Variants in PLEKHA7 observed in about 807,000 individuals in gnomAD.
PLEKHA7 encodes pleckstrin homology domain-containing family A member 7.
Under a neutral mutation model 170.0 loss-of-function variants are expected in PLEKHA7, and 104 were observed. The ratio of observed to expected loss-of-function variants is 0.61; its 90% CI spans 0.52 to 0.72. The LOEUF (loss-of-function observed/expected upper bound fraction) is 0.72. PLEKHA7 is among the 30% of genes least tolerant of loss of function. The pLI is 0.00. For synonymous variants in PLEKHA7, 648 were observed against 660.8 expected (o/e 0.98, Z 0.30); for missense variants, 1,615 against 1,671.7 (o/e 0.97, Z 0.59).
chr11:16,953,611 C>T (rs1214720415), intron 3 of PLEKHA7, among the ~76,000 whole-genome samples: 1 of 152,064 alleles, frequency 6.6e-6, no homozygotes, highest in Non-Finnish European at 1.5e-5. Flanking sequence ...CACTGAAATA[C>T]ACAGAAAAAC....
rs573177826 is a variant in PLEKHA7, at chr11:16,829,791, T to C, written c.873-3201A>G. On this transcript the variant is annotated intron_variant, in intron 9 of 26. Transcript: ENST00000531066. ...CTCCGCCTCAAAAAAGAAAAAGTAA[T>C]TCTTACCGTAAGTTTATAAAGGGAC... Among the ~76,000 whole-genome samples the C allele has an allele frequency of 2.0e-5, 3 of 152,230 alleles. No individual in the cohort carries two copies. In the South Asian group the frequency reaches 6.2e-4, roughly 32 times the overall value.
At chr11:16,854,161 G>C (rs732730) in intron 6 of PLEKHA7, among the ~76,000 whole-genome samples, 4,718 of 152,298 alleles carry the variant, frequency 0.031, 176 homozygotes, top group South Asian at 0.091. Context: ...GGCAAGGAGA[G>C]AAGGAGAGCA....
intron 3 of PLEKHA7, among the ~76,000 whole-genome samples, chr11:16,961,647 C>T (rs1449965382): frequency 6.6e-6 from 1 of 152,218 alleles, no homozygotes; most frequent in East Asian, 1.9e-4. Flanking sequence ...CTCAGACACA[C>T]CCTGGCATCA....
chr11:16,838,872 G>C (rs1018912021), intron 9 of PLEKHA7, among the ~76,000 whole-genome samples: 1 of 151,974 alleles, frequency 6.6e-6, no homozygotes, highest in Non-Finnish European at 1.5e-5. Flanking sequence ...ATTTTTAGTA[G>C]AGATGGGGTT....
rs189536502 is a variant in PLEKHA7 at position 16,877,876 on chromosome 11, T to A, written c.222-6694A>T. ...ATGTCCCTCCAAAAGGTTGTTGTGA[T>A]GATAAAATGAAGGAACATACATGAA... On this transcript the variant is annotated intron_variant, in intron 3 of 26. Transcript: ENST00000531066. Among the ~76,000 whole-genome samples, 10 of 152,346 alleles carry A rather than the reference T, an allele frequency of 6.6e-5. No individual in the cohort carries two copies. The East Asian group carries it at 1.9e-3, about 29-fold the overall frequency.
chr11:16,974,251 A>G (rs1862910464), intron 3 of PLEKHA7, among the ~76,000 whole-genome samples: 1 of 149,028 alleles, frequency 6.7e-6, no homozygotes, highest in African/African-American at 2.5e-5. Flanking sequence ...TGGGTGACAA[A>G]GGGAGACCCT....
intron 16 of PLEKHA7, 29 bp from the exon 17 acceptor site, chr11:16,801,104 T>C (rs1341364876): frequency 6.3e-7 from 1 of 1,593,856 alleles, no homozygotes; most frequent in Non-Finnish European, 8.6e-7. Flanking sequence ...CTTCCGGTTC[T>C]TAGTTATCCC....
intron 3 of PLEKHA7, among the ~76,000 whole-genome samples, chr11:17,006,779 G>T (rs1471113050): frequency 6.6e-6 from 1 of 152,174 alleles, no homozygotes; most frequent in Admixed American, 6.5e-5. Flanking sequence ...CCAGAAGACT[G>T]TCGGTTGGGT....
intron 3 of PLEKHA7, among the ~76,000 whole-genome samples, chr11:16,940,077 C>T (rs1860576506): frequency 6.6e-6 from 1 of 151,846 alleles, no homozygotes; most frequent in Non-Finnish European, 1.5e-5. Context: ...GATCTGTCTC[C>T]CTCTTCATAA....
At position 16,928,443 on chromosome 11, in the gene PLEKHA7, ATT is replaced by A. The variant is rs764854359; in HGVS notation, c.222-57263_222-57262del. ...AAAGGTAGATTGGTTTTGCCCCCAGATTTTTTTTTTTTTTTTGTATTTTTATT... is the reference window on the plus strand; with the variant it reads ...AAAGGTAGATTGGTTTTGCCCCCAGATTTTTTTTTTTTTTGTATTTTTATT... On this transcript the variant is annotated intron_variant, in intron 3 of 26. Coordinates refer to ENST00000531066, the MANE Select transcript of PLEKHA7 (RefSeq NM_001329630.2). 1.5e-3 allele frequency among the ~76,000 whole-genome samples: 207 copies of A among 138,776 alleles called. 1 individual carries two copies. Among genetic ancestry groups the A allele is most frequent in the South Asian group, 6.2e-3 (27 of 4,352 alleles). 91.0% of individuals were successfully genotyped at this position (138,776 alleles called of 152,430 possible).
intron 4 of PLEKHA7, among the ~76,000 whole-genome samples, chr11:16,864,153 C>A (rs1039253316): frequency 1.3e-5 from 2 of 152,096 alleles, no homozygotes; most frequent in African/African-American, 2.4e-5. Flanking sequence ...GCATCTAGGA[C>A]CAGACTATCT....
In PLEKHA7 at chr11:16,790,804, C is replaced by T; in HGVS notation, c.3046G>A (p.Gly1016Ser). Residue 1016 changes from glycine (G) to serine (S), a missense_variant, in exon 21 of 27, where the codon GGC (glycine) becomes AGC (serine). Gly to Ser is a moderately conservative substitution (Grantham distance 56). Transcript: ENST00000531066. Reference sequence around the variant, plus strand: ...AGGGAGGGCCCTGCCTTACCTCTGCCTGGCAGCGTCTGGTACCTGCTCTCA... The same window carrying T: ...AGGGAGGGCCCTGCCTTACCTCTGCTTGGCAGCGTCTGGTACCTGCTCTCA... ...GPESRYQTLP[G>S]RGLSGSTSRL... 6.2e-7 allele frequency: 1 copy of T among 1,608,298 alleles called. No homozygotes were observed. The highest frequency in any genetic ancestry group is 8.5e-7 in the Non-Finnish European group (1 of 1,177,642).
intron 3 of PLEKHA7, among the ~76,000 whole-genome samples, chr11:16,891,575 G>C (rs1297055439): frequency 6.6e-6 from 1 of 152,166 alleles, no homozygotes; most frequent in Admixed American, 6.5e-5. Flanking sequence ...TAGTGGCTTT[G>C]ATTTACTACA....
intron 3 of PLEKHA7, among the ~76,000 whole-genome samples, chr11:16,997,160 C>T (rs1341299753): frequency 6.6e-6 from 1 of 152,118 alleles, no homozygotes; most frequent in African/African-American, 2.4e-5. Flanking sequence ...GTCACCACTG[C>T]TCCCATCACC....
At position 16,887,200 on chromosome 11, in the gene PLEKHA7, G is replaced by A. The variant is rs182304057; in HGVS notation, c.222-16018C>T. ...TCAAAGAGCTTCAACAATAGGCTAG[G>A]CCAAGCAGAAGAAAGAATTTTAGAT... On this transcript the variant is annotated intron_variant, in intron 3 of 26. Transcript: ENST00000531066. 3.8e-3 allele frequency among the ~76,000 whole-genome samples: 573 copies of A among 152,076 alleles called. 6 individuals are homozygous for A. The highest frequency in any genetic ancestry group is 0.013 in the African/African-American group (552 of 41,472).
intron 24 of PLEKHA7, among the ~76,000 whole-genome samples, 195 bp downstream of exon 24, chr11:16,786,032 CAG>C (rs1564902726): frequency 6.6e-6 from 1 of 152,242 alleles, no homozygotes; most frequent in African/African-American, 2.4e-5. Flanking sequence ...CCCTAAATTA[CAG>C]AGAGTTTTGA....
chr11:16,957,723 A>G (rs1389815866), intron 3 of PLEKHA7, among the ~76,000 whole-genome samples: 2 of 63,298 alleles, frequency 3.2e-5, no homozygotes, highest in African/African-American at 1.4e-4. Flanking sequence ...TTTTTTTTTG[A>G]GACAGAGTCT....
chr11:16,886,233 C>T (rs549432218), intron 3 of PLEKHA7, among the ~76,000 whole-genome samples: 1 of 152,272 alleles, frequency 6.6e-6, no homozygotes, highest in African/African-American at 2.4e-5. Context: ...GGAACAAGAT[C>T]ACAGACCTCT....
In PLEKHA7 at chr11:16,782,849, G is replaced by A; in HGVS notation, c.3698C>T (p.Ala1233Val). ...PTSGQDQNSV[A>V]DLDLQLQEQE... The stretch of plus-strand genomic sequence containing the variant: ...CTCCTGCAGCTGCAAGTCCAGGTCA[G>A]CCACACTGTTCTGGTCCTGGCCTGA... Residue 1233 changes from alanine to valine, a missense_variant, in exon 26 of 27, where the codon GCT becomes GTT. Physicochemically the swap from Ala to Val is moderately conservative, Grantham distance 64. Transcript: ENST00000531066. The A allele has an allele frequency of 1.3e-6, 2 of 1,536,184 alleles. No individual in the cohort carries two copies. The highest frequency in any genetic ancestry group is 1.7e-6 in the Non-Finnish European group (2 of 1,146,918).
Sources: allele counts gnomAD v4.1 joint callset (sites outside exome capture counted in the v4.1 genomes callset), GRCh38; gene constraint gnomAD v4.1.1; transcripts MANE v1.5; gene names NCBI Gene and HGNC (gene_info 2026-07-23, HGNC 2026-07-21).